Variants in SRGAP3 observed in about 807,000 individuals in gnomAD.
SRGAP3 encodes the protein SLIT-ROBO Rho GTPase-activating protein 3.
Under a neutral mutation model 121.1 loss-of-function variants are expected in SRGAP3, and 39 were observed. The observed-to-expected ratio is 0.32, with a 90% CI of 0.25 to 0.42. The LOEUF is 0.42. SRGAP3 is among the 10% of genes least tolerant of loss of function. The pLI, the probability that SRGAP3 is intolerant of heterozygous loss-of-function variation, is 1.00. For missense variants in SRGAP3, 1,213 were observed against 1,470.6 expected, an observed-to-expected ratio of 0.82 and a Z score of 2.86; for synonymous variants, 601 against 570.0, an observed-to-expected ratio of 1.05 and a Z score of -0.77.
At chr3:9,256,793 C>A (rs1954141620) in intron 3 of SRGAP3, 1 of 398,664 alleles carries the variant, frequency 2.5e-6, no homozygotes, top group Non-Finnish European at 4.4e-6. Flanking sequence ...GAGGAGACCT[C>A]TGGTTCTGCA....
chr3:9,246,334 G>A (rs1553561691), intron 1 of SRGAP3, among the ~76,000 whole-genome samples: 2 of 152,156 alleles, frequency 1.3e-5, no homozygotes, highest in Non-Finnish European at 2.9e-5. Flanking sequence ...CTCGGGCACT[G>A]TTTTTGGTGA....
intron 1 of SRGAP3, among the ~76,000 whole-genome samples, chr3:9,134,350 C>T (rs1362372032): frequency 6.6e-6 from 1 of 152,168 alleles, no homozygotes; most frequent in Non-Finnish European, 1.5e-5. Flanking sequence ...CAAGGGAGCA[C>T]TTGCCCCCTC....
At chr3:9,186,999 CAT>C (rs1280256453) in intron 1 of SRGAP3, among the ~76,000 whole-genome samples, 1 of 152,130 alleles carries the variant, frequency 6.6e-6, no homozygotes, top group African/African-American at 2.4e-5. Flanking sequence ...TTCTGGGACA[CAT>C]GTGCAGAACA....
At chr3:9,096,001 G>T (rs1947951188) in intron 3 of SRGAP3, among the ~76,000 whole-genome samples, 1 of 152,134 alleles carries the variant, frequency 6.6e-6, no homozygotes, top group Non-Finnish European at 1.5e-5. Flanking sequence ...GAGCCCAGGA[G>T]TTCGAGGCTG....
Position 9,248,915 on chromosome 3 carries a change from T to A in SRGAP3, c.37A>T (p.Ile13Phe). The change falls in exon 1 of 22, where the codon ATC (isoleucine) becomes TTC (phenylalanine). Residue 13 changes from isoleucine to phenylalanine, a missense_variant. Ile to Phe is a conservative substitution (Grantham distance 21). Coordinates refer to ENST00000383836, the MANE Select transcript of SRGAP3 (RefSeq NM_014850.4). Reference sequence around the variant, plus strand: ...ATTTGGGCTTCATATTCAGCAATGATCTCTTTGTCTTTCTTGAACTTAGTT... The same window carrying A: ...ATTTGGGCTTCATATTCAGCAATGAACTCTTTGTCTTTCTTGAACTTAGTT... ...SQTKFKKDKE[I>F]IAEYEAQIKE... 6.2e-7 allele frequency: 1 copy of A among 1,614,202 alleles called. No homozygotes were observed.
chr3:9,092,659 A>C (rs1947805125), intron 3 of SRGAP3, among the ~76,000 whole-genome samples: 1 of 152,222 alleles, frequency 6.6e-6, no homozygotes, highest in Non-Finnish European at 1.5e-5. Context: ...TTCTTTCCCT[A>C]AACATCTAAA....
rs540104650 is a variant in SRGAP3 at position 9,133,969 on chromosome 3, T to A, written c.68-9052A>T. Among the ~76,000 whole-genome samples, 24 of 152,368 alleles carry A rather than the reference T, an allele frequency of 1.6e-4. 1 individual carries two copies. Among genetic ancestry groups the A allele is most frequent in the Non-Finnish European group, 2.8e-4 (19 of 68,038 alleles). The stretch of plus-strand genomic sequence containing the variant: ...GGTATCAGGAAGGGGCTTATTATAC[T>A]ATTCTCTCTACTTTTGGAATGTTTG... On this transcript the variant is annotated intron_variant, in intron 1 of 21. Transcript: ENST00000383836.
intron 1 of SRGAP3, among the ~76,000 whole-genome samples, chr3:9,196,906 C>T (rs1255090795): frequency 6.6e-6 from 1 of 152,180 alleles, no homozygotes; most frequent in Non-Finnish European, 1.5e-5. Context: ...TTCTAATTCC[C>T]GTTTCTACAT....
intron 4 of SRGAP3, among the ~76,000 whole-genome samples, chr3:9,070,338 C>A (rs543724712): frequency 2.0e-5 from 3 of 152,122 alleles, no homozygotes; most frequent in African/African-American, 7.2e-5. Context: ...CACAGTGGCT[C>A]ACTGCTTCCA....
At chr3:9,025,066 G>T (rs1944119660) in intron 14 of SRGAP3, among the ~76,000 whole-genome samples, 195 bp downstream of exon 14, 2 of 152,198 alleles carry the variant, frequency 1.3e-5, no homozygotes, top group Non-Finnish European at 1.5e-5. Context: ...TTTCTCTGGT[G>T]TAAACACGCC....
At chr3:9,062,398 C>T (rs1404531427) in intron 5 of SRGAP3, among the ~76,000 whole-genome samples, 1 of 95,142 alleles carries the variant, frequency 1.1e-5, no homozygotes, top group Admixed American at 9.7e-5. Flanking sequence ...TCATTCCCTG[C>T]TTGGTTATTT....
intron 17 of SRGAP3, among the ~76,000 whole-genome samples, chr3:9,010,817 A>G (rs1047216752): frequency 1.3e-5 from 2 of 152,176 alleles, no homozygotes; most frequent in African/African-American, 4.8e-5. Flanking sequence ...GACATATCCC[A>G]GGAGGTAAGA....
At chr3:9,137,601 G>T (rs573745513) in intron 1 of SRGAP3, among the ~76,000 whole-genome samples, 1 of 152,290 alleles carries the variant, frequency 6.6e-6, no homozygotes, top group Admixed American at 6.5e-5. Context: ...GGATATACAT[G>T]CACGGCTGAA....
intron 1 of SRGAP3, among the ~76,000 whole-genome samples, chr3:9,137,287 C>T (rs1359474449): frequency 6.6e-6 from 1 of 152,094 alleles, no homozygotes; most frequent in African/African-American, 2.4e-5. Flanking sequence ...AAAGGCCAGG[C>T]TTAGAACAGA....
intron 9 of SRGAP3, among the ~76,000 whole-genome samples, chr3:9,052,278 G>T (rs1189223518): frequency 6.6e-6 from 1 of 152,226 alleles, no homozygotes; most frequent in East Asian, 1.9e-4. Context: ...AAATCCTAGT[G>T]AGGTAGGTTT....
At chr3:9,050,201 A>G (rs1945501393) in intron 9 of SRGAP3, among the ~76,000 whole-genome samples, 1 of 152,216 alleles carries the variant, frequency 6.6e-6, no homozygotes, top group Non-Finnish European at 1.5e-5. Flanking sequence ...TTTGGTAACT[A>G]CTGTCCTAGA....
chr3:9,159,482 G>A (rs899386318), intron 1 of SRGAP3, among the ~76,000 whole-genome samples: 17 of 152,190 alleles, frequency 1.1e-4, no homozygotes, highest in African/African-American at 3.4e-4. Flanking sequence ...AAGCGTGACA[G>A]GGCCCCCTGC....
chr3:9,064,640 T>G, intron 4 of SRGAP3, 59 bp from the exon 5 acceptor site: 1 of 1,601,288 alleles, frequency 6.2e-7, no homozygotes, highest in African/African-American at 1.3e-5. Flanking sequence ...CGGCCCTCCC[T>G]GTTACTCCTG....
intron 12 of SRGAP3, among the ~76,000 whole-genome samples, chr3:9,027,649 A>G (rs1444585060): frequency 6.6e-6 from 1 of 152,212 alleles, no homozygotes; most frequent in African/African-American, 2.4e-5. Context: ...AAAAGATGCA[A>G]TTCTCAACAC....
Sources: gnomAD v4.1 joint callset for allele counts (sites outside exome capture counted in the v4.1 genomes callset) on GRCh38, gnomAD v4.1.1 for gene constraint, MANE v1.5 for transcripts, NCBI Gene and HGNC (gene_info 2026-07-23, HGNC 2026-07-21) for gene names.